The following DENND1A variants were observed in gnomAD, a reference collection of about 807,000 sequenced individuals.
The protein encoded by DENND1A is DENN domain containing 1A.
In DENND1A, 51 loss-of-function variants were observed where a neutral mutation model predicts 113.7. The ratio of observed to expected loss-of-function variants is 0.45; its 90% CI spans 0.36 to 0.57. The LOEUF (loss-of-function observed/expected upper bound fraction) is 0.57, where lower values mean the gene tolerates loss of function less well. Among genes scored for constraint, DENND1A ranks in the 20% least tolerant of loss-of-function variants. The pLI, the probability that DENND1A is intolerant of heterozygous loss-of-function variation, is 0.00. For synonymous variants in DENND1A, 565 were observed against 570.8 expected, an observed-to-expected ratio of 0.99 and a Z score of 0.14; for missense variants, 1,258 against 1,395.9, an observed-to-expected ratio of 0.90 and a Z score of 1.57.
At chr9:123,413,116 G>A (rs967895112) in intron 19 of DENND1A, among the ~76,000 whole-genome samples, 3 of 152,190 alleles carry the variant, frequency 2.0e-5, no homozygotes, top group Non-Finnish European at 2.9e-5. Flanking sequence ...CCCGGAAGGC[G>A]GAGGTTGCAG....
chr9:123,554,414 T>C (rs1437297933), intron 13 of DENND1A, among the ~76,000 whole-genome samples: 1 of 152,048 alleles, frequency 6.6e-6, no homozygotes, highest in Non-Finnish European at 1.5e-5. Context: ...ATGGGGTCTC[T>C]CTATGTTGCC....
At chr9:123,621,742 A>C (rs1303202057) in intron 10 of DENND1A, among the ~76,000 whole-genome samples, 1 of 152,206 alleles carries the variant, frequency 6.6e-6, no homozygotes, top group African/African-American at 2.4e-5. Context: ...CCTGCCATCA[A>C]GAATATCAAC....
At chr9:123,910,216 T>G (rs528622584) in intron 1 of DENND1A, among the ~76,000 whole-genome samples, 1 of 152,220 alleles carries the variant, frequency 6.6e-6, no homozygotes, top group Non-Finnish European at 1.5e-5. Context: ...AATAACAAAA[T>G]TGAAAGAATT....
intron 11 of DENND1A, among the ~76,000 whole-genome samples, chr9:123,587,466 A>T (rs775212748): frequency 6.6e-6 from 1 of 152,244 alleles, no homozygotes; most frequent in Non-Finnish European, 1.5e-5. Flanking sequence ...GTTAGACCAG[A>T]AATTCTCAGA....
rs568540858 is a variant in DENND1A at position 123,588,741 on chromosome 9, G to C, written c.766-5471C>G. Among the ~76,000 whole-genome samples, 11 of 150,390 alleles carry C rather than the reference G, an allele frequency of 7.3e-5. 1 individual carries two copies. Among genetic ancestry groups the C allele is most frequent in the African/African-American group, 2.7e-4 (11 of 40,838 alleles). On this transcript the variant is annotated intron_variant, in intron 11 of 23. Coordinates refer to ENST00000394215, the MANE Select transcript of DENND1A (RefSeq NM_001352964.2). ...TTCCTTCCATATTCTCCCTTCCTAC[G>C]TGTTAAAGCAAAGTTGAAATAATTC...
chr9:123,609,573 T>G, intron 10 of DENND1A, 92 bp from the exon 11 acceptor site: 1 of 1,437,886 alleles, frequency 7.0e-7, no homozygotes, highest in Non-Finnish European at 9.6e-7. Flanking sequence ...GAAAAACTGT[T>G]TTAATAAACG....
rs188707096 is a variant in DENND1A, at chr9:123,504,731, G to T, written c.994-46834C>A. On this transcript the variant is annotated intron_variant, in intron 13 of 23. Transcript: ENST00000394215. ...CAGAGAAGAGAGGCGCTCAGGCAGG[G>T]CCGGCACTCCTGATGCCCAGGCCAG... 7.2e-5 allele frequency among the ~76,000 whole-genome samples: 11 copies of T among 152,286 alleles called. No homozygotes were observed. The East Asian group carries it at 1.9e-3, about 27-fold the overall frequency.
At chr9:123,497,825 A>G (rs1331910869) in intron 13 of DENND1A, among the ~76,000 whole-genome samples, 1 of 151,926 alleles carries the variant, frequency 6.6e-6, no homozygotes, top group East Asian at 1.9e-4. Context: ...AAAAAAAAAA[A>G]AAAAAAGAAA....
intron 5 of DENND1A, among the ~76,000 whole-genome samples, chr9:123,741,315 T>C (rs573034481): frequency 1.3e-5 from 2 of 152,324 alleles, no homozygotes; most frequent in African/African-American, 4.8e-5. Flanking sequence ...GAAAGAGATA[T>C]GAACGGATAT....
chr9:123,617,373 G>C (rs189483170), intron 10 of DENND1A, among the ~76,000 whole-genome samples: 30 of 152,168 alleles, frequency 2.0e-4, no homozygotes, highest in Non-Finnish European at 3.8e-4. Context: ...GTGGGCACTG[G>C]AGATGGTTTG....
chr9:123,532,627 A>T (rs949966961), intron 13 of DENND1A, among the ~76,000 whole-genome samples: 1 of 152,174 alleles, frequency 6.6e-6, no homozygotes, highest in Non-Finnish European at 1.5e-5. Context: ...TTATCATAGC[A>T]CCCCTTTGAA....
chr9:123,568,731 CATG>C (rs934777917), intron 12 of DENND1A, among the ~76,000 whole-genome samples: 3 of 152,076 alleles, frequency 2.0e-5, no homozygotes, highest in African/African-American at 7.2e-5. Context: ...TGGTGGATCA[CATG>C]GATACATCCA....
intron 1 of DENND1A, among the ~76,000 whole-genome samples, chr9:123,918,616 C>A (rs1855668672): frequency 1.3e-5 from 2 of 152,052 alleles, no homozygotes; most frequent in African/African-American, 4.8e-5. Flanking sequence ...TAAAGTGACA[C>A]TCCCCTCTCT....
At chr9:123,414,548 A>G in intron 19 of DENND1A, 2 of 1,550,260 alleles carry the variant, frequency 1.3e-6, no homozygotes, top group Non-Finnish European at 8.7e-7. Context: ...AATCTGAGAA[A>G]TGCTGTCTTC....
At chr9:123,702,170 C>T (rs1259602691) in intron 5 of DENND1A, among the ~76,000 whole-genome samples, 1 of 151,006 alleles carries the variant, frequency 6.6e-6, no homozygotes, top group South Asian at 2.1e-4. Context: ...AATAAAAACG[C>T]AATAGAGAAA....
At chr9:123,398,978 T>C (rs534521659) in intron 21 of DENND1A, among the ~76,000 whole-genome samples, 177 of 151,568 alleles carry the variant, frequency 1.2e-3, no homozygotes, top group Admixed American at 2.0e-3. Context: ...GTGTTTTTAG[T>C]AGAGACGGGG....
chr9:123,927,858 T>C (rs1347835977), intron 1 of DENND1A, among the ~76,000 whole-genome samples: 1 of 152,220 alleles, frequency 6.6e-6, no homozygotes, highest in East Asian at 1.9e-4. Flanking sequence ...ACCAAAGCTC[T>C]GTCTTCTCCA....
At chr9:123,655,800 A>G (rs1376737719) in intron 8 of DENND1A, among the ~76,000 whole-genome samples, 3 of 152,198 alleles carry the variant, frequency 2.0e-5, no homozygotes, top group Admixed American at 2.0e-4. Flanking sequence ...TAAAAGACAC[A>G]AGATAAGCCA....
intron 5 of DENND1A, among the ~76,000 whole-genome samples, chr9:123,730,119 A>G (rs2130845007): frequency 6.6e-6 from 1 of 152,366 alleles, no homozygotes; most frequent in African/African-American, 2.4e-5. Context: ...GAGATGGATT[A>G]AAGACTTAAA....
Sources: allele counts gnomAD v4.1 joint callset (sites outside exome capture counted in the v4.1 genomes callset), GRCh38; gene constraint gnomAD v4.1.1; transcripts MANE v1.5; gene names NCBI Gene and HGNC (gene_info 2026-07-23, HGNC 2026-07-21).